Variants in CDC123 observed in about 807,000 individuals in gnomAD.
CDC123 encodes cell division cycle 123.
Under a neutral mutation model 54.4 loss-of-function variants are expected in CDC123, and 37 were observed. The observed-to-expected ratio is 0.68, with a 90% CI of 0.52 to 0.89. The LOEUF is 0.89. Among genes scored for constraint, CDC123 ranks in the 40% least tolerant of loss-of-function variants. The pLI, the probability that CDC123 is intolerant of heterozygous loss-of-function variation, is 0.00. For missense variants in CDC123, 361 were observed against 412.1 expected (o/e 0.88, Z 1.07); for synonymous variants, 144 against 136.8 (o/e 1.05, Z -0.37).
chr10:12,206,827 C>T (rs562750055), intron 2 of CDC123, among the ~76,000 whole-genome samples: 35 of 151,944 alleles, frequency 2.3e-4, no homozygotes, highest in Admixed American at 4.6e-4. Context: ...GGTGTGGTGG[C>T]GGGCGCCTGG....
At chr10:12,235,662 A>G (rs1835969588) in intron 8 of CDC123, among the ~76,000 whole-genome samples, 1 of 152,170 alleles carries the variant, frequency 6.6e-6, no homozygotes, top group African/African-American at 2.4e-5. Flanking sequence ...TATTTTGTTA[A>G]TGCATATTTT....
chr10:12,230,920 T>G, intron 6 of CDC123, 28 bp from the exon 7 acceptor site: 1 of 1,607,078 alleles, frequency 6.2e-7, no homozygotes, highest in East Asian at 2.2e-5. Flanking sequence ...ACAAAAAGAT[T>G]CAGTTGCCTT....
intron 7 of CDC123, 56 bp from the exon 8 acceptor site, chr10:12,234,992 T>C (rs1835959888): frequency 7.6e-7 from 1 of 1,315,626 alleles, no homozygotes; most frequent in East Asian, 2.3e-5. Flanking sequence ...TAAAATTGCC[T>C]AGTAGACCTT....
At position 12,209,231 on chromosome 10, in the gene CDC123, CATTT is replaced by C. The variant is rs576907463; in HGVS notation, c.147-727_147-724del. Among the ~76,000 whole-genome samples the C allele has an allele frequency of 1.0e-3, 153 of 152,292 alleles. 2 individuals are homozygous for C. The highest frequency in any genetic ancestry group is 3.4e-3 in the Middle Eastern group (1 of 294). ...TCATCTCTTCATGCAACTGTACTCT[CATTT>C]ATTTATTTCTTCTTTTTTTGAGACG... On this transcript the variant is annotated intron_variant, in intron 2 of 12. Transcript: ENST00000281141.
intron 4 of CDC123, among the ~76,000 whole-genome samples, chr10:12,210,545 C>T (rs572314414): frequency 6.6e-6 from 1 of 151,674 alleles, no homozygotes; most frequent in African/African-American, 2.4e-5. Context: ...GGAAATATTT[C>T]GAGTGCGTAT....
intron 7 of CDC123, among the ~76,000 whole-genome samples, chr10:12,233,086 T>C (rs1835924440): frequency 1.3e-5 from 2 of 152,176 alleles, no homozygotes; most frequent in Admixed American, 1.3e-4. Flanking sequence ...GAAGTCATCA[T>C]CTACCTCCAA....
chr10:12,210,432 A>C, intron 4 of CDC123, 110 bp downstream of exon 4: 821 of 1,277,736 alleles, frequency 6.4e-4, no homozygotes, highest in Non-Finnish European at 8.2e-4. Context: ...TCACCATCTC[A>C]TATATTATTT....
intron 11 of CDC123, among the ~76,000 whole-genome samples, chr10:12,248,497 G>A (rs1836190255): frequency 6.8e-6 from 1 of 146,704 alleles, no homozygotes; most frequent in Non-Finnish European, 1.5e-5. Context: ...GGGTGACAGA[G>A]CGGGACTCCG....
At chr10:12,231,038 G>C in intron 7 of CDC123, 42 bp downstream of exon 7, 2 of 1,486,024 alleles carry the variant, frequency 1.3e-6, no homozygotes. Flanking sequence ...ATGAAGATGT[G>C]TTGAGAATTG....
chr10:12,206,030 G>C (rs1338055131), intron 2 of CDC123, among the ~76,000 whole-genome samples: 3 of 152,172 alleles, frequency 2.0e-5, no homozygotes, highest in Non-Finnish European at 4.4e-5. Context: ...TTGAACTCCT[G>C]ACCTCATGAT....
intron 7 of CDC123, among the ~76,000 whole-genome samples, chr10:12,234,198 G>A (rs762306923): frequency 6.6e-6 from 1 of 152,182 alleles, no homozygotes; most frequent in Non-Finnish European, 1.5e-5. Flanking sequence ...GGGTTCAAGC[G>A]ATTCTCCTGC....
intron 5 of CDC123, 47 bp from the exon 6 acceptor site, chr10:12,217,314 C>A (rs772209803): frequency 1.3e-6 from 2 of 1,566,948 alleles, no homozygotes; most frequent in Admixed American, 3.5e-5. Flanking sequence ...GCATTCATAG[C>A]AGCCAACATG....
intron 2 of CDC123, 142 bp from the exon 3 acceptor site, chr10:12,209,825 G>T (rs1835572560): frequency 1.8e-5 from 13 of 730,896 alleles, no homozygotes; most frequent in Non-Finnish European, 3.1e-5. Context: ...CAGCCTGCCA[G>T]AGTGCTAGGA....
At chr10:12,239,580 C>T (rs1235925603) in intron 10 of CDC123, among the ~76,000 whole-genome samples, 2 of 151,782 alleles carry the variant, frequency 1.3e-5, no homozygotes, top group Admixed American at 6.6e-5. Flanking sequence ...GGCATGGTGG[C>T]GCATGCCACC....
chr10:12,242,860 TG>T (rs1485708700), intron 10 of CDC123, among the ~76,000 whole-genome samples: 2 of 151,852 alleles, frequency 1.3e-5, no homozygotes, highest in African/African-American at 4.8e-5. Flanking sequence ...GAGAACCACT[TG>T]AGCCCAGGAG....
intron 7 of CDC123, among the ~76,000 whole-genome samples, chr10:12,232,984 C>G (rs1405028326): frequency 6.6e-6 from 1 of 152,120 alleles, no homozygotes; most frequent in Non-Finnish European, 1.5e-5. Context: ...TGGTCTCGTT[C>G]TCCTGACCTC....
In CDC123 at chr10:12,215,771, T is replaced by C; in HGVS notation, c.269T>C (p.Val90Ala). The C allele has an allele frequency of 6.2e-7, 1 of 1,612,640 alleles. No individual in the cohort carries two copies. The highest frequency in any genetic ancestry group is 1.1e-5 in the South Asian group (1 of 90,742). ...GAATTTCCTGAGTTTGCCACTAAAG[T>C]CCAGGAAGCTATCAATTCCCTCGGG... ...APEFPEFATK[V>A]QEAINSLGGS... Residue 90 changes from valine (V) to alanine (A), a missense_variant, in exon 5 of 13, where the codon GTC (valine) becomes GCC (alanine). Val to Ala is a moderately conservative substitution (Grantham distance 64, BLOSUM62 0). Transcript: ENST00000281141.
Position 12,249,654 on chromosome 10 carries a change from C to G in CDC123, c.920C>G (p.Pro307Arg). The G allele has an allele frequency of 6.2e-7, 1 of 1,614,204 alleles. No individual in the cohort carries two copies. ...AGCCCCTATTTGAGTTACCGGCTAC[C>G]CAAGGACTTTGTAGACCTCTCTACT... ...QPSPYLSYRL[P>R]KDFVDLSTGE... is the part of the protein sequence containing the mutation. Residue 307 changes from proline (P) to arginine (R), a missense_variant, in exon 12 of 13, where the codon CCC becomes CGC. By Grantham distance (103) the Pro-to-Arg change is moderately radical. Coordinates refer to ENST00000281141, the MANE Select transcript of CDC123 (RefSeq NM_006023.3).
chr10:12,235,004 C>A (rs1835960008), intron 7 of CDC123, 44 bp from the exon 8 acceptor site: 2 of 1,458,692 alleles, frequency 1.4e-6, no homozygotes, highest in South Asian at 2.3e-5. Context: ...GTAGACCTTA[C>A]CACATAGGTG....
Sources: allele counts gnomAD v4.1 joint callset (sites outside exome capture counted in the v4.1 genomes callset), GRCh38; gene constraint gnomAD v4.1.1; transcripts MANE v1.5; gene names NCBI Gene and HGNC (gene_info 2026-07-23, HGNC 2026-07-21).